The following INPP4B variants were observed in gnomAD, a reference collection of about 807,000 sequenced individuals.
The protein encoded by INPP4B is inositol polyphosphate-4-phosphatase type II B, also known as inositol polyphosphate 4-phosphatase type II.
A neutral mutation model predicts 122.5 loss-of-function variants in INPP4B; 55 were observed. The ratio of observed to expected loss-of-function variants is 0.45; its 90% CI spans 0.36 to 0.56. The LOEUF (loss-of-function observed/expected upper bound fraction) is 0.56, where lower values mean the gene tolerates loss of function less well. Among genes scored for constraint, INPP4B ranks in the 20% least tolerant of loss-of-function variants. INPP4B has a pLI of 0.00. For synonymous variants in INPP4B, 403 were observed against 388.7 expected (o/e 1.04, Z -0.43); for missense variants, 1,000 against 1,097.7 (o/e 0.91, Z 1.26).
intron 11 of INPP4B, among the ~76,000 whole-genome samples, chr4:142,258,993 G>T (rs1374484439): frequency 6.6e-6 from 1 of 151,932 alleles, no homozygotes; most frequent in Non-Finnish European, 1.5e-5. Context: ...AGAAAATGTG[G>T]CACATATACA....
At chr4:142,836,414 G>A (rs1252603356) in intron 1 of INPP4B, among the ~76,000 whole-genome samples, 2 of 151,978 alleles carry the variant, frequency 1.3e-5, no homozygotes, top group African/African-American at 4.8e-5. Flanking sequence ...GTGAGAGTGT[G>A]TGAGTGTGTG....
intron 2 of INPP4B, among the ~76,000 whole-genome samples, chr4:142,551,214 T>A (rs1727908554): frequency 1.3e-5 from 2 of 152,324 alleles, no homozygotes; most frequent in African/African-American, 4.8e-5. Flanking sequence ...CTTGTCCCCA[T>A]ACTCAATCCA....
chr4:142,194,100 G>T (rs1479194085), intron 14 of INPP4B, among the ~76,000 whole-genome samples: 2 of 151,958 alleles, frequency 1.3e-5, no homozygotes, highest in Non-Finnish European at 2.9e-5. Context: ...ATTAGCTTCA[G>T]GTAAATACCA....
intron 2 of INPP4B, among the ~76,000 whole-genome samples, chr4:142,670,988 A>C (rs1756910452): frequency 6.6e-6 from 1 of 152,286 alleles, no homozygotes; most frequent in East Asian, 1.9e-4. Context: ...ACATACAGTC[A>C]GTTACAGGGA....
At chr4:142,557,011 G>A (rs1021735206) in intron 2 of INPP4B, among the ~76,000 whole-genome samples, 3 of 152,046 alleles carry the variant, frequency 2.0e-5, no homozygotes, top group Non-Finnish European at 4.4e-5. Flanking sequence ...CGTGACCACC[G>A]GAGGACCAGT....
intron 14 of INPP4B, among the ~76,000 whole-genome samples, chr4:142,200,668 C>A (rs1316939739): frequency 6.6e-6 from 1 of 151,856 alleles, no homozygotes; most frequent in African/African-American, 2.4e-5. Flanking sequence ...ATAAGAAATT[C>A]TAAGACAGAC....
chr4:142,153,686 A>G (rs573278919), intron 17 of INPP4B, among the ~76,000 whole-genome samples: 95 of 152,316 alleles, frequency 6.2e-4, no homozygotes, highest in African/African-American at 2.1e-3. Context: ...GAATTGGAGG[A>G]TGAGCTGTTG....
chr4:142,202,314 T>C (rs1840968780), intron 14 of INPP4B, among the ~76,000 whole-genome samples: 1 of 152,014 alleles, frequency 6.6e-6, no homozygotes, highest in South Asian at 2.1e-4. Flanking sequence ...AGTGCTAATG[T>C]CAAAAATGAA....
intron 7 of INPP4B, among the ~76,000 whole-genome samples, chr4:142,370,775 A>G (rs1488659334): frequency 2.0e-5 from 3 of 152,120 alleles, no homozygotes; most frequent in Non-Finnish European, 4.4e-5. Flanking sequence ...CATCAAAGAA[A>G]AACAAGGAAG....
At chr4:142,249,789 C>T (rs1200418852) in intron 11 of INPP4B, among the ~76,000 whole-genome samples, 1 of 152,174 alleles carries the variant, frequency 6.6e-6, no homozygotes, top group African/African-American at 2.4e-5. Context: ...CATTTATCAT[C>T]GCTGTGCTGC....
At chr4:142,729,508 G>A (rs541942936) in intron 1 of INPP4B, among the ~76,000 whole-genome samples, 2 of 79,834 alleles carry the variant, frequency 2.5e-5, no homozygotes, top group South Asian at 6.6e-4. Flanking sequence ...CTGGAATATA[G>A]CAGTGGAAAA....
At position 142,264,031 on chromosome 4, in the gene INPP4B, C is replaced by T. The variant is rs566244038; in HGVS notation, c.616-3467G>A. Among the ~76,000 whole-genome samples, 16 of 152,062 alleles carry T rather than the reference C, an allele frequency of 1.1e-4. No homozygotes were observed. In the South Asian group the frequency reaches 3.3e-3, roughly 32 times the overall value. On this transcript the variant is annotated intron_variant, in intron 10 of 25. Transcript: ENST00000262992. Reference sequence around the variant, plus strand: ...TCCCAGGGTTGGGACGGGGAGACTCCTGTAAGACTGTGTTTGGTCACTGAA... The same window carrying T: ...TCCCAGGGTTGGGACGGGGAGACTCTTGTAAGACTGTGTTTGGTCACTGAA...
chr4:142,306,082 T>A (rs1486450759), intron 8 of INPP4B: 1 of 247,196 alleles, frequency 4.0e-6, no homozygotes, highest in Non-Finnish European at 6.5e-6. Context: ...ATGGGACAAT[T>A]TCATTCTAAT....
At position 142,245,149 on chromosome 4, in the gene INPP4B, A is replaced by T. The variant is rs143171871; in HGVS notation, c.689-7138T>A. Among the ~76,000 whole-genome samples the T allele has an allele frequency of 4.5e-3, 689 of 151,908 alleles. 8 individuals are homozygous for T. The highest frequency in any genetic ancestry group is 0.016 in the African/African-American group (652 of 41,398). ...TTTGTCAGATGAATAGATTGCAAAA[A>T]TTTTCTCCCATTCTTTAGGTTGCCT... is the stretch of plus-strand genomic sequence containing the variant. On this transcript the variant is annotated intron_variant, in intron 11 of 25. Coordinates refer to ENST00000262992, the MANE Select transcript of INPP4B (RefSeq NM_001101669.3).
chr4:142,376,488 C>A (rs531453941), intron 7 of INPP4B, among the ~76,000 whole-genome samples: 1 of 152,104 alleles, frequency 6.6e-6, no homozygotes, highest in African/African-American at 2.4e-5. Flanking sequence ...GTCATCAGAG[C>A]ATTTTGGCAT....
intron 2 of INPP4B, among the ~76,000 whole-genome samples, chr4:142,637,469 ATTAT>A (rs1749425125): frequency 6.6e-6 from 1 of 152,046 alleles, no homozygotes; most frequent in Admixed American, 6.6e-5. Context: ...TTTAGATTTG[ATTAT>A]TTCATTTAAT....
intron 25 of INPP4B, among the ~76,000 whole-genome samples, chr4:142,041,213 G>T (rs1747268071): frequency 6.6e-6 from 1 of 152,116 alleles, no homozygotes; most frequent in South Asian, 2.1e-4. Flanking sequence ...TAAGTCTGAA[G>T]TTCTTCCCCT....
At chr4:142,495,146 T>C (rs1822375590) in intron 2 of INPP4B, among the ~76,000 whole-genome samples, 2 of 152,178 alleles carry the variant, frequency 1.3e-5, no homozygotes, top group Admixed American at 1.3e-4. Context: ...TTAATACATA[T>C]GTTAGTTAAG....
At chr4:142,171,029 C>A (rs1217842575) in intron 16 of INPP4B, among the ~76,000 whole-genome samples, 1 of 151,862 alleles carries the variant, frequency 6.6e-6, no homozygotes, top group South Asian at 2.1e-4. Context: ...GCCCTCTCAG[C>A]AAGTTGAATT....
Sources: allele counts gnomAD v4.1 joint callset (sites outside exome capture counted in the v4.1 genomes callset), GRCh38; gene constraint gnomAD v4.1.1; transcripts MANE v1.5; gene names NCBI Gene and HGNC (gene_info 2026-07-23, HGNC 2026-07-21).